The following HNRNPR variants were observed in gnomAD, a reference collection of about 807,000 sequenced individuals.
HNRNPR encodes heterogeneous nuclear ribonucleoprotein R.
HNRNPR carries 4 observed loss-of-function variants against 70.3 expected under a neutral mutation model. The ratio of observed to expected loss-of-function variants is 0.06; its 90% CI spans 0.03 to 0.13. The LOEUF (loss-of-function observed/expected upper bound fraction) is 0.13. Among genes scored for constraint, HNRNPR ranks in the 10% least tolerant of loss-of-function variants. The pLI, the probability that HNRNPR is intolerant of heterozygous loss-of-function variation, is 1.00. For synonymous variants in HNRNPR, 241 were observed against 267.6 expected (o/e 0.90, Z 0.97); for missense variants, 423 against 788.5 (o/e 0.54, Z 5.55).
intron 5 of HNRNPR, among the ~76,000 whole-genome samples, chr1:23,326,360 CTT>C (rs1269121222): frequency 6.6e-6 from 1 of 152,198 alleles, no homozygotes; most frequent in African/African-American, 2.4e-5. Flanking sequence ...GCAGAACAAT[CTT>C]TGTAACAAAA....
intron 5 of HNRNPR, 96 bp downstream of exon 5, chr1:23,333,422 G>A: frequency 3.0e-6 from 2 of 672,854 alleles, no homozygotes; most frequent in Non-Finnish European, 2.7e-6. Context: ...CTTTGAAAGG[G>A]ATCAAGAATT....
chr1:23,310,864 C>T lies in HNRNPR; in HGVS notation c.1492G>A (p.Ala498Thr), dbSNP rs1299735127. The T allele has an allele frequency of 6.2e-7, 1 of 1,614,132 alleles. No homozygotes were observed. The highest frequency in any genetic ancestry group is 1.3e-5 in the African/African-American group (1 of 75,038). ...CTTCCTCCTCCTCTTCCTCTTACTG[C>T]ATAGCCATCATCATAGCCGTAGTAG... ...DPYYGYDDGY[A>T]VRGRGGGRGG... Residue 498 changes from alanine (A) to threonine (T), a missense_variant, in exon 11 of 11, where the codon GCA becomes ACA. Transcript: ENST00000302271. This position sits in a 1 kb window ranked among gnomAD's most constrained non-coding sequence, Gnocchi z 6.0.
At chr1:23,331,763 G>T (rs1020786671) in intron 5 of HNRNPR, among the ~76,000 whole-genome samples, 1 of 146,280 alleles carries the variant, frequency 6.8e-6, no homozygotes, top group East Asian at 2.1e-4. Flanking sequence ...GAGCCAGGAG[G>T]AGTCTGAGGC....
In HNRNPR at chr1:23,326,235, C is replaced by G. The variant is rs539024515; in HGVS notation, c.499-2503G>C. 1.1e-4 allele frequency among the ~76,000 whole-genome samples: 17 copies of G among 152,040 alleles called. No individual in the cohort carries two copies. The South Asian group carries it at 3.1e-3, about 28-fold the overall frequency. ...ACTCACACAGTTATTATTTTCAACA[C>G]ATCTACTACATGCTTAATACCGTGA... On this transcript the variant is annotated intron_variant, in intron 5 of 10. Coordinates refer to ENST00000302271, the MANE Select transcript of HNRNPR (RefSeq NM_005826.5).
chr1:23,323,489 C>T (rs1322166347), intron 6 of HNRNPR, 67 bp downstream of exon 6: 4 of 1,424,254 alleles, frequency 2.8e-6, no homozygotes, highest in South Asian at 1.3e-5. Context: ...TAACTACAAA[C>T]ATTTTTGAAT....
At chr1:23,342,701 A>C (rs1306004275) in intron 1 of HNRNPR, among the ~76,000 whole-genome samples, 1 of 152,212 alleles carries the variant, frequency 6.6e-6, no homozygotes. Context: ...ATCAGAACTC[A>C]AAAGTTCTCA....
intron 1 of HNRNPR, among the ~76,000 whole-genome samples, chr1:23,341,889 C>A (rs762790972): frequency 3.3e-5 from 5 of 152,114 alleles, no homozygotes; most frequent in Non-Finnish European, 7.4e-5. Context: ...GTACATTCAG[C>A]CTGTAGGTAA....
intron 9 of HNRNPR, 136 bp from the exon 10 acceptor site, chr1:23,311,458 G>C (rs1645334883): frequency 3.2e-6 from 2 of 616,822 alleles, no homozygotes; most frequent in Non-Finnish European, 5.5e-6. Flanking sequence ...GGCAAAAGGT[G>C]AATCTAGCCA....
chr1:23,321,686 G>T (rs750717980), intron 6 of HNRNPR, 23 bp from the exon 7 acceptor site: 1 of 1,596,534 alleles, frequency 6.3e-7, no homozygotes, highest in Non-Finnish European at 8.5e-7. Context: ...AAGAACCAGA[G>T]ACCCCAAAAC....
chr1:23,321,691 C>CA, intron 6 of HNRNPR, 28 bp from the exon 7 acceptor site: 6 of 1,589,040 alleles, frequency 3.8e-6, no homozygotes, highest in Non-Finnish European at 5.1e-6. Context: ...CCAGAGACCC[C>CA]AAAACCACCC....
chr1:23,329,009 T>C (rs1280680099), intron 5 of HNRNPR, among the ~76,000 whole-genome samples: 3 of 152,202 alleles, frequency 2.0e-5, no homozygotes, highest in Non-Finnish European at 4.4e-5. Flanking sequence ...TAATCCCAGT[T>C]ACTTGGGAAG....
chr1:23,313,411 T>C (rs1220527740), intron 9 of HNRNPR, 142 bp downstream of exon 9: 1 of 610,108 alleles, frequency 1.6e-6, no homozygotes, highest in Non-Finnish European at 2.8e-6. Flanking sequence ...TTACATACTA[T>C]TACCACTTTA....
chr1:23,344,135 A>G (rs1413483627), intron 1 of HNRNPR, 76 bp downstream of exon 1: 1 of 141,920 alleles, frequency 7.0e-6, no homozygotes, highest in Non-Finnish European at 1.5e-5. Context: ...AAACGGGACC[A>G]GGCACGGAGC....
chr1:23,319,288 C>T (rs750495827), intron 7 of HNRNPR, among the ~76,000 whole-genome samples: 1 of 152,158 alleles, frequency 6.6e-6, no homozygotes, highest in Non-Finnish European at 1.5e-5. Context: ...GATGTGCCTA[C>T]GTTCTTACCC....
Position 23,307,356 on chromosome 1 carries a change from T to C in HNRNPR, c.*3098A>G, listed in dbSNP as rs1021200822. 2.0e-5 allele frequency: 3 copies of C among 152,038 alleles called. No homozygotes were observed. The highest frequency in any genetic ancestry group is 4.4e-5 in the Non-Finnish European group (3 of 67,930). 9.4% of individuals were successfully genotyped at this position (152,038 alleles called of 1,614,324 possible). A position where few individuals can be genotyped will look rare whatever the true frequency, so the allele number is the denominator to read the frequency against. ...CCCTTCTCTTTTAGAATTTAAAATATATAATTTATTTTTTTGCATGCTGAC... is the reference window on the plus strand; with the variant it reads ...CCCTTCTCTTTTAGAATTTAAAATACATAATTTATTTTTTTGCATGCTGAC... On this transcript the variant is annotated 3_prime_UTR_variant, in exon 11 of 11. Coordinates refer to ENST00000302271, the MANE Select transcript of HNRNPR (RefSeq NM_005826.5).
chr1:23,338,082 C>T (rs1371543928), intron 3 of HNRNPR: 1 of 442,334 alleles, frequency 2.3e-6, no homozygotes, highest in Non-Finnish European at 4.0e-6. Context: ...TGGGAAAACA[C>T]AGTCTTCCAC....
rs1363895979 is a variant in HNRNPR, at chr1:23,305,079, T to C, written c.*5375A>G. 2 of 152,228 alleles carry C rather than the reference T, an allele frequency of 1.3e-5. No individual in the cohort carries two copies. Among genetic ancestry groups the C allele is most frequent in the African/African-American group, 4.8e-5 (2 of 41,462 alleles). 9.4% of individuals were successfully genotyped at this position (152,228 alleles called of 1,614,324 possible). On this transcript the variant is annotated 3_prime_UTR_variant, in exon 11 of 11. Coordinates refer to ENST00000302271, the MANE Select transcript of HNRNPR (RefSeq NM_005826.5). The stretch of plus-strand genomic sequence containing the variant: ...ACTATATAAAGTGAGAGCCCTTATT[T>C]AAATTTGAGCAATTTAAGTTTTTCC...
At chr1:23,325,914 G>C in intron 5 of HNRNPR, among the ~76,000 whole-genome samples, 1 of 152,104 alleles carries the variant, frequency 6.6e-6, no homozygotes, top group Non-Finnish European at 1.5e-5. Flanking sequence ...AGGCTGCAGC[G>C]CAGTGGCATG....
At chr1:23,343,423 T>G (rs959381067) in intron 1 of HNRNPR, among the ~76,000 whole-genome samples, 2 of 152,204 alleles carry the variant, frequency 1.3e-5, no homozygotes, top group African/African-American at 4.8e-5. Context: ...ACTTGAGGAC[T>G]GCAAAAATCT....
Sources: gnomAD v4.1 joint callset for allele counts (sites outside exome capture counted in the v4.1 genomes callset) on GRCh38, gnomAD v4.1.1 for gene constraint, Gnocchi (gnomAD v3.1) non-coding constraint, MANE v1.5 for transcripts, NCBI Gene and HGNC (gene_info 2026-07-23, HGNC 2026-07-21) for gene names.